Variants in PLEKHA2 observed in about 807,000 individuals in gnomAD.
The protein encoded by PLEKHA2 is pleckstrin homology domain containing A2, also known as pleckstrin homology domain-containing family A member 2.
In PLEKHA2, 28 loss-of-function variants were observed where a neutral mutation model predicts 53.2. The ratio of observed to expected loss-of-function variants is 0.53; its 90% CI spans 0.39 to 0.72. The LOEUF is 0.72. Ranked by LOEUF, PLEKHA2 falls within the 30% of genes least tolerant of loss-of-function variation. The probability of loss-of-function intolerance (pLI) is 0.00; values close to 1 mark genes in which losing one functional copy is unlikely to be tolerated. For synonymous variants in PLEKHA2, 193 were observed against 196.4 expected, an observed-to-expected ratio of 0.98 and a Z score of 0.14; for missense variants, 426 against 537.9, an observed-to-expected ratio of 0.79 and a Z score of 2.06.
chr8:38,901,872 G>C (rs1017849420), intron 1 of PLEKHA2: 2 of 152,266 alleles, frequency 1.3e-5, no homozygotes, highest in African/African-American at 4.8e-5. Flanking sequence ...GGGAGGGGAG[G>C]AGAGCAGAGA....
chr8:38,901,545 T>G (rs1243451941), intron 1 of PLEKHA2, 100 bp downstream of exon 1: 1 of 151,258 alleles, frequency 6.6e-6, no homozygotes, highest in Non-Finnish European at 1.5e-5. Flanking sequence ...GGCGGAGGCC[T>G]GGCGGCCTAG....
intron 3 of PLEKHA2, among the ~76,000 whole-genome samples, chr8:38,939,425 C>T (rs1387440231): frequency 6.6e-6 from 1 of 152,238 alleles, no homozygotes; most frequent in Non-Finnish European, 1.5e-5. Context: ...GCCGAATCGC[C>T]CTTCCATGGT....
At chr8:38,958,333 G>GA (rs1299393842) in intron 10 of PLEKHA2, among the ~76,000 whole-genome samples, 33 of 151,552 alleles carry the variant, frequency 2.2e-4, no homozygotes, top group African/African-American at 7.0e-4. Flanking sequence ...AAAAAAAAGG[G>GA]AAACAAAAAG....
chr8:38,937,383 T>C (rs1391808156), intron 3 of PLEKHA2, among the ~76,000 whole-genome samples: 1 of 152,142 alleles, frequency 6.6e-6, no homozygotes, highest in East Asian at 1.9e-4. Flanking sequence ...TGAGAGCTCC[T>C]GAGGTCGTTT....
chr8:38,929,178 C>T (rs1834343639), intron 2 of PLEKHA2, among the ~76,000 whole-genome samples: 1 of 152,212 alleles, frequency 6.6e-6, no homozygotes, highest in Non-Finnish European at 1.5e-5. Context: ...CTGGGATTAC[C>T]AGGGGCGTCC....
intron 8 of PLEKHA2, 88 bp downstream of exon 8, chr8:38,952,792 G>A (rs1048905444): frequency 3.0e-6 from 4 of 1,353,820 alleles, no homozygotes; most frequent in Non-Finnish European, 4.1e-6. Flanking sequence ...TGCATGAGTG[G>A]AGATGTGGGC....
intron 8 of PLEKHA2, 112 bp downstream of exon 8, chr8:38,952,816 A>G: frequency 9.0e-7 from 1 of 1,107,566 alleles, no homozygotes; most frequent in Middle Eastern, 2.1e-4. Context: ...CAAAGACTTC[A>G]AAGGCGCCTC....
In PLEKHA2 at chr8:38,948,219, C is replaced by G. The variant is rs1470626217; in HGVS notation, c.345+1998C>G. 3.3e-5 allele frequency among the ~76,000 whole-genome samples: 5 copies of G among 152,072 alleles called. 1 individual carries two copies. Among genetic ancestry groups the G allele is most frequent in the Middle Eastern group, 6.3e-3 (2 of 316 alleles). On this transcript the variant is annotated intron_variant, in intron 5 of 11. Transcript: ENST00000617275. Reference sequence around the variant, plus strand: ...CTAAATATCAACTAAAAATCAACATCCCTAAAAATGTGGTTACATAATAAC... The same window carrying G: ...CTAAATATCAACTAAAAATCAACATGCCTAAAAATGTGGTTACATAATAAC...
At chr8:38,915,226 GTGAGC>G (rs1165390841) in intron 1 of PLEKHA2, among the ~76,000 whole-genome samples, 3 of 152,198 alleles carry the variant, frequency 2.0e-5, no homozygotes, top group Non-Finnish European at 4.4e-5. Context: ...GATTACAGTT[GTGAGC>G]CACTGCACCC....
chr8:38,930,836 G>A (rs1834380148), intron 2 of PLEKHA2, among the ~76,000 whole-genome samples: 1 of 152,208 alleles, frequency 6.6e-6, no homozygotes, highest in African/African-American at 2.4e-5. Flanking sequence ...GGCAGACTCA[G>A]CAGGACCAGC....
rs144789257 is a variant in PLEKHA2 at position 38,945,622 on chromosome 8, G to C, written c.248-502G>C. ...TGTTGACCTAATGGAATGCTCAGAG[G>C]AAAGAACAGGTTGAGAGTGAGGCCA... is the stretch of plus-strand genomic sequence containing the variant. On this transcript the variant is annotated intron_variant, in intron 4 of 11. Transcript: ENST00000617275. Among the ~76,000 whole-genome samples, 676 of 152,268 alleles carry C rather than the reference G, an allele frequency of 4.4e-3. 1 individual carries two copies. The highest frequency in any genetic ancestry group is 6.0e-3 in the Non-Finnish European group (409 of 68,018).
At chr8:38,941,331 C>G (rs1037460454) in intron 3 of PLEKHA2, among the ~76,000 whole-genome samples, 1 of 152,226 alleles carries the variant, frequency 6.6e-6, no homozygotes, top group South Asian at 2.1e-4. Flanking sequence ...ACTGGGATTA[C>G]AGGCGTGAGC....
rs1486822524 is a variant in PLEKHA2, at chr8:38,952,196, C to A, written c.517C>A (p.Pro173Thr). 2 of 1,613,160 alleles carry A rather than the reference C, an allele frequency of 1.2e-6. No homozygotes were observed. Among genetic ancestry groups the A allele is most frequent in the East Asian group, 4.5e-5 (2 of 44,862 alleles). Residue 173 changes from proline (P) to threonine (T), a missense_variant, in exon 7 of 12, where the codon CCC becomes ACC. By Grantham distance (38) the Pro-to-Thr change is conservative (BLOSUM62 -1). Coordinates refer to ENST00000617275, the MANE Select transcript of PLEKHA2 (RefSeq NM_021623.2). ...NGGDGQEGSE[P>T]GSHTILRRSQ... The stretch of plus-strand genomic sequence containing the variant: ...TGGGGATGGGCAGGAAGGGAGTGAG[C>A]CCGGGTCCCACACCATCCTTCGAAG...
chr8:38,952,422 A>G (rs1490720391), intron 7 of PLEKHA2, 110 bp downstream of exon 7: 3 of 1,463,830 alleles, frequency 2.0e-6, no homozygotes, highest in Non-Finnish European at 2.8e-6. Context: ...TCAGTCCTCC[A>G]TGGAGCCTCC....
intron 10 of PLEKHA2, among the ~76,000 whole-genome samples, chr8:38,968,000 TGTTGA>T (rs1468315502): frequency 1.3e-5 from 2 of 152,156 alleles, no homozygotes; most frequent in Non-Finnish European, 2.9e-5. Flanking sequence ...TTGTTGTTGT[TGTTGA>T]GTTATTTGAG....
intron 2 of PLEKHA2, among the ~76,000 whole-genome samples, chr8:38,935,712 C>T (rs1365111952): frequency 6.6e-6 from 1 of 152,198 alleles, no homozygotes; most frequent in Non-Finnish European, 1.5e-5. Context: ...AACCAGTATG[C>T]CCAGCCTGAG....
intron 10 of PLEKHA2, among the ~76,000 whole-genome samples, chr8:38,963,128 A>G (rs1163532370): frequency 6.6e-6 from 1 of 152,226 alleles, no homozygotes; most frequent in Non-Finnish European, 1.5e-5. Flanking sequence ...CTTATGTTAG[A>G]TAGTCAATAG....
intron 2 of PLEKHA2, among the ~76,000 whole-genome samples, chr8:38,919,564 C>T (rs1486788483): frequency 6.6e-6 from 1 of 152,124 alleles, no homozygotes; most frequent in East Asian, 1.9e-4. Flanking sequence ...CTGAATGTCC[C>T]AGGGATGGAG....
intron 10 of PLEKHA2, among the ~76,000 whole-genome samples, chr8:38,966,542 T>C (rs72638530): frequency 0.073 from 11,127 of 152,212 alleles, 629 homozygotes; most frequent in South Asian, 0.19. Context: ...CAGCGTTTGC[T>C]CTGTTCACTT....
Sources: gnomAD v4.1 joint callset for allele counts (sites outside exome capture counted in the v4.1 genomes callset) on GRCh38, gnomAD v4.1.1 for gene constraint, MANE v1.5 for transcripts, NCBI Gene and HGNC (gene_info 2026-07-23, HGNC 2026-07-21) for gene names.